Variants in C4orf51 observed in about 807,000 individuals in gnomAD.
C4orf51 encodes uncharacterized protein C4orf51.
In C4orf51, 25 loss-of-function variants were observed where a neutral mutation model predicts 25.2. The ratio of observed to expected loss-of-function variants is 0.99; its 90% CI spans 0.72 to 1.39. The LOEUF is 1.39. Among genes scored for constraint, C4orf51 ranks in the 40% most tolerant of loss-of-function variants. The probability of loss-of-function intolerance (pLI) is 0.00; values close to 1 mark genes in which losing one functional copy is unlikely to be tolerated. For synonymous variants in C4orf51, 100 were observed against 84.5 expected (o/e 1.18, Z -1.01); for missense variants, 252 against 239.6 (o/e 1.05, Z -0.34).
At chr4:145,698,637 T>C (rs1288268607) in intron 2 of C4orf51, among the ~76,000 whole-genome samples, 3 of 152,194 alleles carry the variant, frequency 2.0e-5, no homozygotes, top group Non-Finnish European at 4.4e-5. Context: ...TCTATCAGTC[T>C]TAAGGTCTCT....
At chr4:145,748,644 C>A (rs1015586872) in intron 1 of C4orf51, among the ~76,000 whole-genome samples, 1 of 152,078 alleles carries the variant, frequency 6.6e-6, no homozygotes, top group African/African-American at 2.4e-5. Flanking sequence ...ACGCACCGAC[C>A]ATTCAGAAAC....
intron 2 of C4orf51, among the ~76,000 whole-genome samples, chr4:145,697,629 GAGTAATTTCACTTAGCATAA>G (rs59307411): frequency 0.35 from 52,526 of 151,960 alleles, 9,262 homozygotes; most frequent in Admixed American, 0.48. Context: ...TTCTGTGGCT[GAGTAATTTCACTTAGCATAA>G]AGTCCTCCAG....
chr4:145,742,365 C>T (rs894946720), intron 1 of C4orf51, among the ~76,000 whole-genome samples: 4 of 152,046 alleles, frequency 2.6e-5, no homozygotes, highest in Non-Finnish European at 5.9e-5. Flanking sequence ...GTCATTGGTG[C>T]CTTTGTTTTT....
intron 1 of C4orf51, among the ~76,000 whole-genome samples, chr4:145,693,477 C>A (rs906393938): frequency 6.6e-6 from 1 of 152,176 alleles, no homozygotes; most frequent in East Asian, 1.9e-4. Flanking sequence ...AATCTTTTCC[C>A]CACCTTTCCC....
At chr4:145,706,640 A>G (rs1730825216) in intron 2 of C4orf51, among the ~76,000 whole-genome samples, 1 of 152,076 alleles carries the variant, frequency 6.6e-6, no homozygotes, top group African/African-American at 2.4e-5. Flanking sequence ...TACAAAAGAA[A>G]ACAGATTCTT....
At chr4:145,775,634 G>A (rs750811005), downstream of C4orf51, among the ~76,000 whole-genome samples, 1 of 152,108 alleles carries the variant, frequency 6.6e-6, no homozygotes, top group African/African-American at 2.4e-5. Context: ...CTGTGCAACT[G>A]CAGGGCTCAA....
downstream of C4orf51, among the ~76,000 whole-genome samples, chr4:145,734,982 G>C (rs1416919020): frequency 6.6e-6 from 1 of 152,246 alleles, no homozygotes; most frequent in Non-Finnish European, 1.5e-5. Flanking sequence ...AGTTTGGAGG[G>C]GAAGAGAGCC....
chr4:145,701,577 G>A (rs1005290147), intron 2 of C4orf51, among the ~76,000 whole-genome samples: 6 of 151,438 alleles, frequency 4.0e-5, no homozygotes, highest in African/African-American at 9.7e-5. Context: ...CTGCCCGATC[G>A]CCTCAGAAGC....
chr4:145,685,456 C>T (rs1470015463), intron 1 of C4orf51, among the ~76,000 whole-genome samples: 1 of 152,202 alleles, frequency 6.6e-6, no homozygotes, highest in Non-Finnish European at 1.5e-5. Flanking sequence ...GCTGAGCTCC[C>T]TCAGTGAGCA....
intron 1 of C4orf51, among the ~76,000 whole-genome samples, chr4:145,685,587 C>T (rs1729103654): frequency 6.6e-6 from 1 of 152,128 alleles, no homozygotes; most frequent in Non-Finnish European, 1.5e-5. Context: ...TAGATCGGAA[C>T]AAAACAGAAT....
chr4:145,774,409 TG>T, downstream of C4orf51: 1 of 1,344,326 alleles, frequency 7.4e-7, no homozygotes. Context: ...AAAAGGGCAA[TG>T]TCTCAGGGCA....
At position 145,694,265 on chromosome 4, in the gene C4orf51, C is replaced by T. The variant is rs1176404781; in HGVS notation, c.234-2294C>T. Among the ~76,000 whole-genome samples the T allele has an allele frequency of 2.7e-3, 367 of 138,466 alleles. 3 individuals are homozygous for T. Among genetic ancestry groups the T allele is most frequent in the South Asian group, 0.022 (86 of 3,946 alleles). 90.8% of individuals were successfully genotyped at this position (138,466 alleles called of 152,430 possible). On this transcript the variant is annotated intron_variant, in intron 1 of 5. Coordinates refer to ENST00000438731, the MANE Select transcript of C4orf51 (RefSeq NM_001080531.3). ...AGATGGGATGGCGGCCAGGCGGAGA[C>T]GCTCCTCACTTTCCAGACTGGGCAG...
chr4:145,730,809 C>T (rs1005894402), intron 5 of C4orf51, among the ~76,000 whole-genome samples: 2 of 152,154 alleles, frequency 1.3e-5, no homozygotes, highest in Non-Finnish European at 2.9e-5. Context: ...CTTGGAAATG[C>T]TGGTCTTTGG....
intron 2 of C4orf51, among the ~76,000 whole-genome samples, chr4:145,723,506 A>G (rs1731870253): frequency 6.6e-6 from 1 of 152,194 alleles, no homozygotes; most frequent in South Asian, 2.1e-4. Flanking sequence ...CTGGAGGTAT[A>G]CTTCCAAACT....
At chr4:145,780,192 A>AAAAC in the C4orf51 span, among the ~76,000 whole-genome samples, 17 of 151,138 alleles carry the variant, frequency 1.1e-4, no homozygotes, top group South Asian at 2.1e-4. Flanking sequence ...CGCTGTCTCA[A>AAAAC]AAACAAACAA....
chr4:145,741,944 G>A (rs764883474), intron 1 of C4orf51, among the ~76,000 whole-genome samples: 4 of 152,016 alleles, frequency 2.6e-5, no homozygotes, highest in Non-Finnish European at 4.4e-5. Flanking sequence ...CAAGTGATCC[G>A]CCTGCCTCGG....
chr4:145,761,137 G>C lies in C4orf51; in HGVS notation n.167-9851G>C. On this transcript the variant is annotated intron_variant and non_coding_transcript_variant, in intron 1 of 1. Coordinates refer to the C4orf51 transcript ENST00000510096. The surrounding 1 kb of genome is among the most constrained non-coding windows in gnomAD (Gnocchi z 6.8). The stretch of plus-strand genomic sequence containing the variant: ...CACCAGGAGCGGGGCCCCCGGGCCG[G>C]CCGGTTCCTTGGGGGCTGGACACAG... 16 of 1,289,746 alleles carry C rather than the reference G, an allele frequency of 1.2e-5. No homozygotes were observed. Among genetic ancestry groups the C allele is most frequent in the Non-Finnish European group, 1.6e-5 (16 of 988,790 alleles). The allele number at this position is 1,289,746 out of a possible 1,614,324, so 79.9% of individuals were successfully genotyped here. A position where few individuals can be genotyped will look rare whatever the true frequency, so the allele number is the denominator to read the frequency against.
chr4:145,782,090 A>G, the C4orf51 span, among the ~76,000 whole-genome samples: 2,041 of 152,342 alleles, frequency 0.013, 41 homozygotes, highest in African/African-American at 0.047. Flanking sequence ...CGGGGCACCC[A>G]TGACTGCTCA....
intron 5 of C4orf51, among the ~76,000 whole-genome samples, chr4:145,731,638 A>G (rs1732483633): frequency 1.6e-5 from 2 of 122,536 alleles, no homozygotes; most frequent in African/African-American, 6.4e-5. Context: ...CTGGAGTGCA[A>G]TGGCGTGATC....
Sources: gnomAD v4.1 joint callset for allele counts (sites outside exome capture counted in the v4.1 genomes callset) on GRCh38, gnomAD v4.1.1 for gene constraint, Gnocchi (gnomAD v3.1) non-coding constraint, MANE v1.5 for transcripts, NCBI Gene and HGNC (gene_info 2026-07-23, HGNC 2026-07-21) for gene names.